CNOT11: variants seen among roughly 807,000 people sequenced by gnomAD.
CNOT11 encodes CCR4-NOT transcription complex subunit 11.
A neutral mutation model predicts 44.6 loss-of-function variants in CNOT11; 18 were observed. The observed-to-expected ratio is 0.40, with a 90% CI of 0.28 to 0.60. The LOEUF (loss-of-function observed/expected upper bound fraction) is 0.60. CNOT11 is among the 20% of genes least tolerant of loss of function. The pLI is 0.38. For missense variants in CNOT11, 513 were observed against 677.0 expected (o/e 0.76, Z 2.69); for synonymous variants, 291 against 270.9 (o/e 1.07, Z -0.73).
Position 101,253,432 on chromosome 2 carries a change from GCCGCCCGCCCGCGGCGGCCAGGAAC to G in CNOT11, c.472_496del (p.Pro158ThrfsTer12). ...GCTTCGCGCACCTGCTCAACCCCGCGCCGCCCGCCCGCGGCGGCCAGGAACCCGACCGCCCTCCGCTCTCAGGTAC... is the reference window on the plus strand; with the variant it reads ...GCTTCGCGCACCTGCTCAACCCCGCGCCGACCGCCCTCCGCTCTCAGGTAC... On this transcript the variant is annotated frameshift_variant, in exon 1 of 7. Transcript: ENST00000289382. LOFTEE classifies it high-confidence loss of function. The surrounding 1 kb of genome is among the most constrained non-coding windows in gnomAD (Gnocchi z 4.3). 6.5e-7 allele frequency: 1 copy of G among 1,542,296 alleles called. No individual in the cohort carries two copies. Among genetic ancestry groups the G allele is most frequent in the Non-Finnish European group, 8.6e-7 (1 of 1,156,606 alleles).
intron 2 of CNOT11, among the ~76,000 whole-genome samples, chr2:101,259,454 CAG>C (rs1469541624): frequency 6.6e-6 from 1 of 152,122 alleles, no homozygotes; most frequent in Non-Finnish European, 1.5e-5. Context: ...AACTGGTGGT[CAG>C]AGAGAGGCTC....
intron 2 of CNOT11, among the ~76,000 whole-genome samples, chr2:101,261,994 C>CT (rs1046117695): frequency 6.6e-6 from 1 of 151,914 alleles, no homozygotes; most frequent in Admixed American, 6.6e-5. Flanking sequence ...CTACAGGCAC[C>CT]TGCCACCATG....
chr2:101,256,751 G>A (rs1245793754), intron 1 of CNOT11, among the ~76,000 whole-genome samples: 1 of 152,210 alleles, frequency 6.6e-6, no homozygotes, highest in East Asian at 1.9e-4. Flanking sequence ...AGGCACTTTA[G>A]AAAATGCAGT....
chr2:101,266,786 T>A lies in CNOT11; in HGVS notation c.1145T>A (p.Leu382Ter). The change falls in exon 5 of 7, where the codon TTG becomes TAG. Residue 382 changes from leucine (L) to a stop codon, truncating the protein, a stop_gained. Transcript: ENST00000289382. LOFTEE classifies it high-confidence loss of function. ...ENNPLVAIEM[L>*]LKLMQSSQIT... Reference sequence around the variant, plus strand: ...AACCCTTTAGTCGCTATAGAAATGTTGCTGAAATTAATGCAGTCAAGCCAG... The same window carrying A: ...AACCCTTTAGTCGCTATAGAAATGTAGCTGAAATTAATGCAGTCAAGCCAG... 1 of 1,614,130 alleles carries A rather than the reference T, an allele frequency of 6.2e-7. No individual in the cohort carries two copies. Among genetic ancestry groups the A allele is most frequent in the Non-Finnish European group, 8.5e-7 (1 of 1,179,984 alleles).
At chr2:101,267,589 G>A (rs1391096920) in intron 5 of CNOT11, among the ~76,000 whole-genome samples, 1 of 152,146 alleles carries the variant, frequency 6.6e-6, no homozygotes, top group African/African-American at 2.4e-5. Flanking sequence ...TCTTCTCCCA[G>A]CCTTTCTGAC....
At chr2:101,261,662 G>C (rs1034645285) in intron 2 of CNOT11, among the ~76,000 whole-genome samples, 3 of 152,108 alleles carry the variant, frequency 2.0e-5, no homozygotes, top group African/African-American at 7.2e-5. Context: ...ATTTGGTAAT[G>C]TCAAGTTTAT....
In CNOT11 at chr2:101,253,972, G is replaced by T. The variant is rs1048788387; in HGVS notation, c.514+494G>T. Reference sequence around the variant, plus strand: ...TAGCCTGTTAGGGATGGGGGCAGAGGATAGAAAGTCTCAAATTGATGATCT... The same window carrying T: ...TAGCCTGTTAGGGATGGGGGCAGAGTATAGAAAGTCTCAAATTGATGATCT... On this transcript the variant is annotated intron_variant, in intron 1 of 6. Coordinates refer to ENST00000289382, the MANE Select transcript of CNOT11 (RefSeq NM_017546.5). The surrounding 1 kb of genome is among the most constrained non-coding windows in gnomAD (Gnocchi z 4.3). Among the ~76,000 whole-genome samples, 2 of 152,214 alleles carry T rather than the reference G, an allele frequency of 1.3e-5. No homozygotes were observed. Among genetic ancestry groups the T allele is most frequent in the Admixed American group, 1.3e-4 (2 of 15,286 alleles).
At chr2:101,263,706 A>C (rs922387263) in intron 3 of CNOT11, among the ~76,000 whole-genome samples, 2 of 152,226 alleles carry the variant, frequency 1.3e-5, no homozygotes, top group Non-Finnish European at 2.9e-5. Context: ...TTTGACATAC[A>C]TAGGTTTAAT....
rs116240711 is a variant in CNOT11 at position 101,260,104 on chromosome 2, C to A, written c.679+2149C>A. 4.5e-3 allele frequency among the ~76,000 whole-genome samples: 680 copies of A among 152,188 alleles called. 3 individuals are homozygous for A. The highest frequency in any genetic ancestry group is 0.016 in the African/African-American group (647 of 41,530). On this transcript the variant is annotated intron_variant, in intron 2 of 6. Coordinates refer to ENST00000289382, the MANE Select transcript of CNOT11 (RefSeq NM_017546.5). ...GTTATGTTCTGAAACCAAAAGAAAT[C>A]TTTTTAAGACTTTTTAAGGTTGTAC... is the stretch of plus-strand genomic sequence containing the variant.
At chr2:101,266,603 T>C in intron 4 of CNOT11, 74 bp from the exon 5 acceptor site, 1 of 1,131,574 alleles carries the variant, frequency 8.8e-7, no homozygotes, top group Admixed American at 1.8e-5. Flanking sequence ...TTATTTCATA[T>C]ACATGGGAAA....
intron 2 of CNOT11, among the ~76,000 whole-genome samples, chr2:101,259,263 G>A (rs550277566): frequency 6.6e-6 from 1 of 152,324 alleles, no homozygotes; most frequent in African/African-American, 2.4e-5. Context: ...CTTTCTGCCA[G>A]TACCACACTG....
intron 5 of CNOT11, among the ~76,000 whole-genome samples, chr2:101,267,350 T>G (rs1215017940): frequency 6.6e-6 from 1 of 152,194 alleles, no homozygotes; most frequent in Non-Finnish European, 1.5e-5. Context: ...CTCGAACTTC[T>G]GACCTCAAGT....
In CNOT11 at chr2:101,253,587, G is replaced by T; in HGVS notation, c.514+109G>T. The T allele has an allele frequency of 9.6e-7, 1 of 1,037,548 alleles. No individual in the cohort carries two copies. The highest frequency in any genetic ancestry group is 1.3e-6 in the Non-Finnish European group (1 of 761,530). 64.3% of individuals were successfully genotyped at this position (1,037,548 alleles called of 1,614,324 possible). A position where few individuals can be genotyped will look rare whatever the true frequency, so the allele number is the denominator to read the frequency against. On this transcript the variant is annotated intron_variant, in intron 1 of 6. Transcript: ENST00000289382. This position sits in a 1 kb window ranked among gnomAD's most constrained non-coding sequence, Gnocchi z 4.3. Reference sequence around the variant, plus strand: ...GGGAAATTAACTATCCCTGTGAAATGATCATCCTCTTTTTCCGCCTCTCTC... The same window carrying T: ...GGGAAATTAACTATCCCTGTGAAATTATCATCCTCTTTTTCCGCCTCTCTC...
intron 5 of CNOT11, among the ~76,000 whole-genome samples, chr2:101,268,802 G>T (rs1366592717): frequency 6.6e-6 from 1 of 151,978 alleles, no homozygotes; most frequent in Non-Finnish European, 1.5e-5. Context: ...TCAGGGACAG[G>T]GCTCAAAAAA....
chr2:101,260,969 C>T (rs1254448254), intron 2 of CNOT11, among the ~76,000 whole-genome samples: 1 of 152,022 alleles, frequency 6.6e-6, no homozygotes, highest in Non-Finnish European at 1.5e-5. Context: ...TGCTATATGT[C>T]TAAGGCATCT....
chr2:101,254,048 G>GTA (rs565108042), intron 1 of CNOT11, among the ~76,000 whole-genome samples: 4 of 152,256 alleles, frequency 2.6e-5, no homozygotes, highest in Admixed American at 2.6e-4. Flanking sequence ...TGCATACGTG[G>GTA]TATACATTAT....
In CNOT11 at chr2:101,269,823, C is replaced by G. The variant is rs947751501; in HGVS notation, c.*410C>G. ...TAAGCATTTGTCCTAGAGGTGAAAG[C>G]AGCTGAATGTTTCTGAACCATCAAG... On this transcript the variant is annotated 3_prime_UTR_variant, in exon 7 of 7. Transcript: ENST00000289382. This position sits in a 1 kb window ranked among gnomAD's most constrained non-coding sequence, Gnocchi z 4.8. The G allele has an allele frequency of 3.2e-5, 5 of 157,960 alleles. No individual in the cohort carries two copies. Among genetic ancestry groups the G allele is most frequent in the African/African-American group, 1.2e-4 (5 of 41,494 alleles). 9.8% of individuals were successfully genotyped at this position (157,960 alleles called of 1,614,324 possible). A position where few individuals can be genotyped will look rare whatever the true frequency, so the allele number is the denominator to read the frequency against.
chr2:101,262,430 G>C (rs924045430), intron 2 of CNOT11, 109 bp from the exon 3 acceptor site: 6 of 937,372 alleles, frequency 6.4e-6, no homozygotes, highest in Non-Finnish European at 1.0e-5. Flanking sequence ...CTCTCTCTCT[G>C]AATCTGGCCC....
In CNOT11 at chr2:101,258,122, G is replaced by A. The variant is rs927014956; in HGVS notation, c.679+167G>A. ...TTAAATGGAAGTCTTGGCTGGGCAC[G>A]GTGGCTCACACCTGTAATCCCAGCA... is the stretch of plus-strand genomic sequence containing the variant. On this transcript the variant is annotated intron_variant, in intron 2 of 6. Transcript: ENST00000289382. 2.6e-5 allele frequency among the ~76,000 whole-genome samples: 4 copies of A among 152,070 alleles called. No individual in the cohort carries two copies. In the East Asian group the frequency reaches 5.8e-4, roughly 22 times the overall value.
Sources: allele counts gnomAD v4.1 joint callset (sites outside exome capture counted in the v4.1 genomes callset), GRCh38; gene constraint gnomAD v4.1.1; non-coding constraint Gnocchi (gnomAD v3.1); transcripts MANE v1.5; gene names NCBI Gene and HGNC (gene_info 2026-07-23, HGNC 2026-07-21).